The following PRPF4 variants were observed in gnomAD, a reference collection of about 807,000 sequenced individuals.
PRPF4 encodes pre-mRNA splicing tri-snRNP complex factor PRPF4.
A neutral mutation model predicts 72.2 loss-of-function variants in PRPF4; 14 were observed. The ratio of observed to expected loss-of-function variants is 0.19; its 90% CI spans 0.13 to 0.30. The LOEUF is 0.30. Ranked by LOEUF, PRPF4 falls within the 10% of genes least tolerant of loss-of-function variation. The pLI is 1.00. For missense variants in PRPF4, 478 were observed against 653.9 expected, an observed-to-expected ratio of 0.73 and a Z score of 2.93; for synonymous variants, 225 against 232.2, an observed-to-expected ratio of 0.97 and a Z score of 0.28.
chr9:113,277,386 T>TTG (rs71367710), intron 2 of PRPF4, among the ~76,000 whole-genome samples: 15,006 of 149,982 alleles, frequency 0.1, 1,374 homozygotes, highest in African/African-American at 0.25. Context: ...TGAAATCTTT[T>TTG]TGTGTGTGTG....
intron 11 of PRPF4, 50 bp downstream of exon 11, chr9:113,290,638 A>C (rs1588019903): frequency 6.2e-7 from 1 of 1,614,080 alleles, no homozygotes. Context: ...CTCACCTCTT[A>C]CCTATACCTG....
chr9:113,291,318 G>C, intron 13 of PRPF4, 149 bp from the exon 14 acceptor site: 1 of 777,896 alleles, frequency 1.3e-6, no homozygotes, highest in Non-Finnish European at 2.0e-6. Context: ...GTCAGGGAAT[G>C]AGCCAAAAGA....
Position 113,283,386 on chromosome 9 carries a change from C to T in PRPF4, c.561-3C>T, listed in dbSNP as rs759896995. ...TCCTGGTGATGGTGTTTCTGTGTCGCAGGGCAATGAAACGCTTGGAAGAGG... is the reference window on the plus strand; with the variant it reads ...TCCTGGTGATGGTGTTTCTGTGTCGTAGGGCAATGAAACGCTTGGAAGAGG... On this transcript the variant is annotated splice_region_variant and splice_polypyrimidine_tract_variant and intron_variant, in intron 5 of 13. Coordinates refer to ENST00000374198, the MANE Select transcript of PRPF4 (RefSeq NM_001244926.2). 15 of 1,613,940 alleles carry T rather than the reference C, an allele frequency of 9.3e-6. No homozygotes were observed. Among genetic ancestry groups the T allele is most frequent in the Non-Finnish European group, 1.3e-5 (15 of 1,180,022 alleles).
At chr9:113,282,515 G>T in intron 3 of PRPF4, 131 bp from the exon 4 acceptor site, 2 of 660,076 alleles carry the variant, frequency 3.0e-6, no homozygotes, top group Non-Finnish European at 5.0e-6. Flanking sequence ...AACAGTGAGA[G>T]AATAGTAAAG....
intron 10 of PRPF4, among the ~76,000 whole-genome samples, chr9:113,289,259 G>A (rs1033270321): frequency 2.0e-5 from 3 of 152,154 alleles, no homozygotes; most frequent in African/African-American, 7.2e-5. Flanking sequence ...TCCTGTTGAT[G>A]GACACTTGGG....
chr9:113,290,470 G>T lies in PRPF4; in HGVS notation c.1027G>T (p.Asp343Tyr). ...GTTAGTGTGATTTGGTTTTAGCTAT[G>T]ACCGTTCATGGCGCTTATGGGATTT... is the stretch of plus-strand genomic sequence containing the variant. Reference protein sequence around the residue: ...SGRFLGTTCYDRSWRLWDLEA... With the variant: ...SGRFLGTTCYYRSWRLWDLEA... Residue 343 changes from aspartate to tyrosine, a missense_variant, in exon 11 of 14, where the codon GAC becomes TAC. Physicochemically the swap from Asp to Tyr is radical, Grantham distance 160 (BLOSUM62 -3). Transcript: ENST00000374198. The T allele has an allele frequency of 6.2e-7, 1 of 1,614,124 alleles. No individual in the cohort carries two copies. Among genetic ancestry groups the T allele is most frequent in the South Asian group, 1.1e-5 (1 of 91,036 alleles).
At position 113,291,469 on chromosome 9, in the gene PRPF4, A is replaced by G. The variant is rs753571588; in HGVS notation, c.1375A>G (p.Ile459Val). Residue 459 changes from isoleucine (I) to valine (V), a missense_variant and splice_region_variant, in exon 14 of 14, where the codon ATC becomes GTC. Ile to Val is a conservative substitution (Grantham distance 29, BLOSUM62 3). Coordinates refer to ENST00000374198, the MANE Select transcript of PRPF4 (RefSeq NM_001244926.2). Reference protein sequence around the residue: ...NLVTGVKFEPIHGNFLLTGAY... With the variant: ...NLVTGVKFEPVHGNFLLTGAY... ...ATTCCCCTTCTCTTCTCCTGTAGCT[A>G]TCCATGGGAACTTCTTGCTTACTGG... 2 of 1,611,798 alleles carry G rather than the reference A, an allele frequency of 1.2e-6. No homozygotes were observed. The highest frequency in any genetic ancestry group is 1.1e-5 in the South Asian group (1 of 90,998).
rs116898980 is a variant in PRPF4 at position 113,285,764 on chromosome 9, G to A, written c.750-468G>A. Among the ~76,000 whole-genome samples, 1,175 of 152,080 alleles carry A rather than the reference G, an allele frequency of 7.7e-3. 6 individuals carry two copies. The highest frequency in any genetic ancestry group is 0.013 in the Admixed American group (202 of 15,278). ...CCTGTTAGTCCCAGCTACTCAGGAG[G>A]CTGGGTGATAGAATTGCTTGAGCCT... On this transcript the variant is annotated intron_variant, in intron 7 of 13. Transcript: ENST00000374198.
rs540839314 is a variant in PRPF4 at position 113,282,126 on chromosome 9, G to A, written c.393-520G>A. On this transcript the variant is annotated intron_variant, in intron 3 of 13. Transcript: ENST00000374198. Reference sequence around the variant, plus strand: ...TGGAAATTTCCAAATAGAGAAGACTGAGTGGGAGAAACCACACTGGGAGTT... The same window carrying A: ...TGGAAATTTCCAAATAGAGAAGACTAAGTGGGAGAAACCACACTGGGAGTT... Among the ~76,000 whole-genome samples the A allele has an allele frequency of 8.5e-5, 13 of 152,310 alleles. No individual in the cohort carries two copies. The South Asian group carries it at 2.7e-3, about 32-fold the overall frequency.
At position 113,286,911 on chromosome 9, in the gene PRPF4, T is replaced by G; in HGVS notation, c.932+83T>G. ...TTGGTCCCCAGGACCTCAGTAAAAA[T>G]CTGGCATTTAGGCCATGCGCAGTGG... On this transcript the variant is annotated intron_variant, in intron 9 of 13. Coordinates refer to ENST00000374198, the MANE Select transcript of PRPF4 (RefSeq NM_001244926.2). The G allele has an allele frequency of 2.5e-6, 4 of 1,603,386 alleles. No individual in the cohort carries two copies. The Admixed American group carries it at 6.7e-5, about 27-fold the overall frequency.
chr9:113,282,504 G>T, intron 3 of PRPF4, 142 bp from the exon 4 acceptor site: 1 of 604,628 alleles, frequency 1.7e-6, no homozygotes, highest in Admixed American at 3.2e-5. Context: ...TAGGTGGTTT[G>T]AACAGTGAGA....
rs1224452979 is a variant in PRPF4 at position 113,286,685 on chromosome 9, C to G, written c.809-20C>G. 2.5e-6 allele frequency: 4 copies of G among 1,614,048 alleles called. No individual in the cohort carries two copies. The highest frequency in any genetic ancestry group is 2.2e-5 in the South Asian group (2 of 91,072). On this transcript the variant is annotated intron_variant, in intron 8 of 13. Coordinates refer to ENST00000374198, the MANE Select transcript of PRPF4 (RefSeq NM_001244926.2). ...AAAGAGGCAGGAACCTTTTAACTTG[C>G]ATCTCTTACACTCCTTTAGGGCATA... is the stretch of plus-strand genomic sequence containing the variant.
chr9:113,288,488 G>A (rs537843804), intron 10 of PRPF4, among the ~76,000 whole-genome samples: 1 of 151,360 alleles, frequency 6.6e-6, no homozygotes, highest in South Asian at 2.1e-4. Flanking sequence ...CCAGGCTGGA[G>A]TGCAGTGGCG....
chr9:113,283,343 T>C (rs1832337571), intron 5 of PRPF4, 46 bp from the exon 6 acceptor site: 2 of 1,613,478 alleles, frequency 1.2e-6, no homozygotes, highest in Non-Finnish European at 1.7e-6. Context: ...TGTGGGTCCT[T>C]GTTTACAACC....
intron 5 of PRPF4, 63 bp from the exon 6 acceptor site, chr9:113,283,326 G>A (rs1832336786): frequency 3.1e-6 from 5 of 1,612,864 alleles, no homozygotes; most frequent in Non-Finnish European, 4.2e-6. Flanking sequence ...GGTAGAGTAG[G>A]GATACATGTG....
intron 10 of PRPF4, among the ~76,000 whole-genome samples, 195 bp downstream of exon 10, chr9:113,288,459 T>C (rs910574928): frequency 6.7e-6 from 1 of 148,302 alleles, no homozygotes; most frequent in African/African-American, 2.5e-5. Flanking sequence ...TTTTTTGAGG[T>C]GGAGTCTCAC....
chr9:113,277,373 A>G (rs1347103555), intron 2 of PRPF4, among the ~76,000 whole-genome samples: 3 of 150,264 alleles, frequency 2.0e-5, no homozygotes, highest in Admixed American at 2.0e-4. Flanking sequence ...TTTTTACCCA[A>G]AGTGAAATCT....
chr9:113,284,162 A>G (rs1292680495), intron 6 of PRPF4, 133 bp from the exon 7 acceptor site: 1 of 631,790 alleles, frequency 1.6e-6, no homozygotes, highest in Non-Finnish European at 2.7e-6. Flanking sequence ...AGCAGCAACA[A>G]AACCATAGAA....
chr9:113,283,246 T>A, intron 5 of PRPF4, 35 bp downstream of exon 5: 1 of 1,613,920 alleles, frequency 6.2e-7, no homozygotes, highest in Non-Finnish European at 8.5e-7. Context: ...AAGAAGCATA[T>A]TTTTTGTGTG....
Sources: allele counts gnomAD v4.1 joint callset (sites outside exome capture counted in the v4.1 genomes callset), GRCh38; gene constraint gnomAD v4.1.1; transcripts MANE v1.5; gene names NCBI Gene and HGNC (gene_info 2026-07-23, HGNC 2026-07-21).